TRIM9: variants seen among roughly 807,000 people sequenced by gnomAD.
TRIM9 encodes the protein E3 ubiquitin-protein ligase TRIM9.
Under a neutral mutation model 78.3 loss-of-function variants are expected in TRIM9, and 26 were observed. The observed-to-expected ratio is 0.33, with a 90% confidence interval of 0.24 to 0.46. The LOEUF is 0.46. Ranked by LOEUF, TRIM9 falls within the 20% of genes least tolerant of loss-of-function variation. TRIM9 has a pLI of 1.00. For synonymous variants in TRIM9, 398 were observed against 416.5 expected (o/e 0.96, Z 0.54); for missense variants, 787 against 1,036.4 (o/e 0.76, Z 3.30).
In TRIM9 at chr14:50,975,606, C is replaced by T. The variant is rs2051038813; in HGVS notation, c.*1685G>A. Reference sequence around the variant, plus strand: ...AAAGATTGTAACTGATAGAAATAATCTAAATAAAGTAAGCACAAAAGTAAA... The same window carrying T: ...AAAGATTGTAACTGATAGAAATAATTTAAATAAAGTAAGCACAAAAGTAAA... On this transcript the variant is annotated 3_prime_UTR_variant, in exon 13 of 13. Transcript: ENST00000684578. 2 of 152,628 alleles carry T rather than the reference C, an allele frequency of 1.3e-5. No homozygotes were observed. Among genetic ancestry groups the T allele is most frequent in the Non-Finnish European group, 2.9e-5 (2 of 68,034 alleles). The allele number at this position is 152,628 out of a possible 1,614,324, so 9.5% of individuals were successfully genotyped here.
chr14:51,044,179 A>G (rs1341561142), intron 1 of TRIM9, among the ~76,000 whole-genome samples: 1 of 152,232 alleles, frequency 6.6e-6, no homozygotes, highest in Non-Finnish European at 1.5e-5. Context: ...TTCAGACAGC[A>G]GATTCAACAG....
At chr14:51,012,258 C>G (rs1317599890) in intron 3 of TRIM9, among the ~76,000 whole-genome samples, 1 of 152,248 alleles carries the variant, frequency 6.6e-6, no homozygotes, top group African/African-American at 2.4e-5. Context: ...CCCCTGGCAA[C>G]CGCCATTCTA....
At chr14:50,993,582 G>A (rs2053812740) in intron 7 of TRIM9, among the ~76,000 whole-genome samples, 2 of 152,128 alleles carry the variant, frequency 1.3e-5, no homozygotes, top group South Asian at 2.1e-4. Context: ...TGGTCAGGCT[G>A]GTCTCGAACT....
chr14:51,002,044 T>G (rs145999846), intron 5 of TRIM9, among the ~76,000 whole-genome samples: 2 of 152,332 alleles, frequency 1.3e-5, no homozygotes, highest in Non-Finnish European at 2.9e-5. Flanking sequence ...GAAATATTAG[T>G]TACTGAATAA....
At chr14:51,045,976 C>T (rs962051425) in intron 1 of TRIM9, among the ~76,000 whole-genome samples, 2 of 151,874 alleles carry the variant, frequency 1.3e-5, no homozygotes, top group African/African-American at 4.8e-5. Flanking sequence ...ACAGCAGTTA[C>T]AACAAACGAA....
intron 1 of TRIM9, among the ~76,000 whole-genome samples, chr14:51,085,670 G>T (rs949533789): frequency 2.6e-5 from 4 of 152,176 alleles, no homozygotes; most frequent in Non-Finnish European, 4.4e-5. Flanking sequence ...TAAATGTTTA[G>T]ATGTGTAGAA....
chr14:51,073,358 T>C (rs549426670), intron 1 of TRIM9, among the ~76,000 whole-genome samples: 1 of 152,324 alleles, frequency 6.6e-6, no homozygotes, highest in East Asian at 1.9e-4. Flanking sequence ...ATAATGTTTA[T>C]AGCTGCACTA....
At chr14:51,006,841 G>A (rs148758277) in intron 5 of TRIM9, among the ~76,000 whole-genome samples, 14 of 152,284 alleles carry the variant, frequency 9.2e-5, no homozygotes, top group African/African-American at 3.4e-4. Flanking sequence ...TGAACAGACT[G>A]GACAAACAGC....
At chr14:51,082,767 T>C (rs1048111854) in intron 1 of TRIM9, among the ~76,000 whole-genome samples, 1 of 152,200 alleles carries the variant, frequency 6.6e-6, no homozygotes, top group Non-Finnish European at 1.5e-5. Context: ...GTATGTGAGT[T>C]ACATCTCAAA....
intron 7 of TRIM9, chr14:50,988,272 C>T (rs2052989742): frequency 6.6e-6 from 1 of 152,008 alleles, no homozygotes; most frequent in Non-Finnish European, 1.5e-5. Flanking sequence ...ATCTGAAAAC[C>T]AGTGAAGAGA....
At chr14:51,040,626 A>G (rs1466535946) in intron 1 of TRIM9, among the ~76,000 whole-genome samples, 2 of 152,216 alleles carry the variant, frequency 1.3e-5, no homozygotes, top group Non-Finnish European at 2.9e-5. Flanking sequence ...AATGCCGTAA[A>G]GCTTGTGGTA....
intron 3 of TRIM9, among the ~76,000 whole-genome samples, chr14:51,019,183 A>G (rs2057509715): frequency 1.3e-5 from 2 of 152,254 alleles, no homozygotes; most frequent in Non-Finnish European, 2.9e-5. Context: ...CACAATGGAC[A>G]GACCAAGACA....
chr14:51,065,545 G>A (rs925700467), intron 1 of TRIM9, among the ~76,000 whole-genome samples: 1 of 152,218 alleles, frequency 6.6e-6, no homozygotes, highest in East Asian at 1.9e-4. Context: ...CAAATCCTGA[G>A]CTAAGTGGAA....
chr14:51,001,005 G>T (rs1047284948), intron 5 of TRIM9, among the ~76,000 whole-genome samples, 165 bp from the exon 6 acceptor site: 3 of 152,064 alleles, frequency 2.0e-5, no homozygotes, highest in African/African-American at 7.2e-5. Context: ...AGTCAGACTG[G>T]CTCCTGATTT....
chr14:51,058,606 C>T (rs116232582), intron 1 of TRIM9, among the ~76,000 whole-genome samples: 1,885 of 151,996 alleles, frequency 0.012, 41 homozygotes, highest in African/African-American at 0.043. Flanking sequence ...TGGGGTGGTG[C>T]GCTGGTGAGC....
chr14:51,074,720 G>T (rs1483626142), intron 1 of TRIM9, among the ~76,000 whole-genome samples: 5 of 152,202 alleles, frequency 3.3e-5, no homozygotes, highest in Admixed American at 2.0e-4. Flanking sequence ...TTCCGCCCAG[G>T]ATAAGGGGGC....
At chr14:51,065,005 G>A (rs1348363215) in intron 1 of TRIM9, among the ~76,000 whole-genome samples, 1 of 152,058 alleles carries the variant, frequency 6.6e-6, no homozygotes, top group East Asian at 1.9e-4. Context: ...TTATGATCCA[G>A]CCAGCTGGCT....
At chr14:51,065,321 T>C (rs2061648914) in intron 1 of TRIM9, among the ~76,000 whole-genome samples, 1 of 152,240 alleles carries the variant, frequency 6.6e-6, no homozygotes, top group Non-Finnish European at 1.5e-5. Flanking sequence ...TACATTTTAC[T>C]GGCTGCTTGG....
At chr14:50,993,846 C>G (rs987309459) in intron 7 of TRIM9, among the ~76,000 whole-genome samples, 4 of 152,178 alleles carry the variant, frequency 2.6e-5, no homozygotes, top group Non-Finnish European at 4.4e-5. Context: ...AGTCCTGGAT[C>G]TGACATATTA....
Sources: allele counts gnomAD v4.1 joint callset (sites outside exome capture counted in the v4.1 genomes callset), GRCh38; gene constraint gnomAD v4.1.1; transcripts MANE v1.5; gene names NCBI Gene and HGNC (gene_info 2026-07-23, HGNC 2026-07-21).